PTPRM: variants seen among roughly 807,000 people sequenced by gnomAD.
The protein encoded by PTPRM is receptor-type tyrosine-protein phosphatase mu.
Under a neutral mutation model 186.7 loss-of-function variants are expected in PTPRM, and 47 were observed. The ratio of observed to expected loss-of-function variants is 0.25; its 90% CI spans 0.20 to 0.32. PTPRM has a LOEUF of 0.32. Among genes scored for constraint, PTPRM ranks in the 10% least tolerant of loss-of-function variants. The pLI is 1.00. For missense variants in PTPRM, 1,494 were observed against 1,865.0 expected (o/e 0.80, Z 3.66); for synonymous variants, 668 against 674.9 (o/e 0.99, Z 0.16).
intron 22 of PTPRM, among the ~76,000 whole-genome samples, chr18:8,342,909 C>A (rs1598375520): frequency 1.3e-5 from 1 of 74,224 alleles, no homozygotes; most frequent in Admixed American, 1.4e-4. Context: ...CTCTTAACTT[C>A]TCTCTCTTAC....
chr18:7,736,001 G>T (rs2040763188), intron 1 of PTPRM, among the ~76,000 whole-genome samples: 1 of 151,158 alleles, frequency 6.6e-6, no homozygotes, highest in Admixed American at 6.6e-5. Context: ...GATGCCCTTT[G>T]TCTCCATAAA....
intron 1 of PTPRM, among the ~76,000 whole-genome samples, chr18:7,742,800 C>G (rs1057365810): frequency 1.3e-5 from 2 of 152,118 alleles, no homozygotes; most frequent in African/African-American, 4.8e-5. Flanking sequence ...ATCCTACCAG[C>G]CAGAAGTATG....
intron 6 of PTPRM, among the ~76,000 whole-genome samples, chr18:7,952,653 G>A (rs1205399488): frequency 4.8e-5 from 7 of 145,966 alleles, no homozygotes; most frequent in African/African-American, 1.0e-4. Flanking sequence ...CCAAGATGGC[G>A]ACACTGCACT....
At chr18:8,251,565 C>T (rs2094528355) in intron 17 of PTPRM, 1 of 152,188 alleles carries the variant, frequency 6.6e-6, no homozygotes, top group South Asian at 2.1e-4. Flanking sequence ...AAACAAAAAT[C>T]ATAAAATCAA....
chr18:7,898,758 C>T (rs1299564818), intron 3 of PTPRM, among the ~76,000 whole-genome samples: 2 of 152,144 alleles, frequency 1.3e-5, no homozygotes, highest in East Asian at 1.9e-4. Flanking sequence ...AATATCTGGG[C>T]GTTATCAGCA....
intron 1 of PTPRM, among the ~76,000 whole-genome samples, chr18:7,620,936 C>T (rs1264885886): frequency 6.6e-6 from 1 of 152,034 alleles, no homozygotes; most frequent in African/African-American, 2.4e-5. Context: ...ACCTATAACC[C>T]CAGTGATTTG....
chr18:8,237,443 T>A (rs1601398684), intron 14 of PTPRM, among the ~76,000 whole-genome samples: 1 of 101,940 alleles, frequency 9.8e-6, no homozygotes, highest in African/African-American at 4.9e-5. Context: ...TTTTTTTTTT[T>A]TTTTTTTTTT....
intron 2 of PTPRM, among the ~76,000 whole-genome samples, chr18:7,776,755 A>G (rs2042603116): frequency 1.3e-5 from 2 of 152,202 alleles, no homozygotes; most frequent in Non-Finnish European, 2.9e-5. Flanking sequence ...CAGTTTCTCA[A>G]TATCAACCCA....
chr18:8,311,563 T>C (rs1403379883), intron 20 of PTPRM, among the ~76,000 whole-genome samples: 2 of 152,190 alleles, frequency 1.3e-5, no homozygotes, highest in Non-Finnish European at 2.9e-5. Flanking sequence ...TATATGACAC[T>C]GTCTCTGACC....
chr18:8,338,282 A>AAT (rs998762451), intron 22 of PTPRM, among the ~76,000 whole-genome samples: 44 of 150,448 alleles, frequency 2.9e-4, no homozygotes, highest in East Asian at 2.9e-3. Flanking sequence ...ATAATTTAAA[A>AAT]ATATATATAT....
intron 1 of PTPRM, among the ~76,000 whole-genome samples, chr18:7,717,191 C>T (rs1231777881): frequency 1.3e-5 from 2 of 152,264 alleles, no homozygotes; most frequent in South Asian, 2.1e-4. Context: ...TGAGGACTTA[C>T]ATCCCTATTT....
chr18:7,615,258 A>T (rs1167339644), intron 1 of PTPRM, among the ~76,000 whole-genome samples: 1 of 152,228 alleles, frequency 6.6e-6, no homozygotes, highest in East Asian at 1.9e-4. Context: ...CAGGAAAAAA[A>T]ATCACCCATG....
chr18:8,344,375 G>C (rs2095491871), intron 23 of PTPRM, among the ~76,000 whole-genome samples: 1 of 142,976 alleles, frequency 7.0e-6, no homozygotes, highest in African/African-American at 2.6e-5. Context: ...AGAATATTCA[G>C]TAAGTAGGAT....
intron 31 of PTPRM, among the ~76,000 whole-genome samples, chr18:8,389,665 T>C (rs920661025): frequency 3.9e-5 from 6 of 152,196 alleles, no homozygotes; most frequent in African/African-American, 1.4e-4. Flanking sequence ...GGTGAGAATG[T>C]TTATTTTTGT....
chr18:7,762,694 G>A (rs2041834718), intron 1 of PTPRM, among the ~76,000 whole-genome samples: 1 of 152,140 alleles, frequency 6.6e-6, no homozygotes, highest in Admixed American at 6.5e-5. Context: ...AAATCAAACG[G>A]GAACATGAGC....
rs912189017 is a variant in PTPRM at position 8,293,780 on chromosome 18, T to C, written c.2755-2588T>C. Among the ~76,000 whole-genome samples, 7 of 152,338 alleles carry C rather than the reference T, an allele frequency of 4.6e-5. No individual in the cohort carries two copies. The East Asian group carries it at 1.3e-3, about 29-fold the overall frequency. The stretch of plus-strand genomic sequence containing the variant: ...ATGTAGCAGAATAGAAGCTACATGT[T>C]TGAATAAATCCCCTGATTATATAAA... On this transcript the variant is annotated intron_variant, in intron 19 of 32. Transcript: ENST00000580170.
intron 7 of PTPRM, among the ~76,000 whole-genome samples, chr18:8,015,677 G>A (rs1472506529): frequency 6.6e-6 from 1 of 152,188 alleles, no homozygotes; most frequent in South Asian, 2.1e-4. Context: ...AAATACTGAA[G>A]TGTTGAAGAA....
chr18:7,590,721 A>T (rs897172489), intron 1 of PTPRM, among the ~76,000 whole-genome samples: 1 of 152,148 alleles, frequency 6.6e-6, no homozygotes, highest in Non-Finnish European at 1.5e-5. Flanking sequence ...TAGTGACAAA[A>T]TCATTTGTGT....
intron 20 of PTPRM, among the ~76,000 whole-genome samples, chr18:8,303,193 G>A (rs2095179851): frequency 6.6e-6 from 1 of 152,008 alleles, no homozygotes; most frequent in South Asian, 2.1e-4. Context: ...GGAGAGAAGG[G>A]GTGCTGCTAG....
Sources: gnomAD v4.1 joint callset for allele counts (sites outside exome capture counted in the v4.1 genomes callset) on GRCh38, gnomAD v4.1.1 for gene constraint, MANE v1.5 for transcripts, NCBI Gene and HGNC (gene_info 2026-07-23, HGNC 2026-07-21) for gene names.